The following FOXO3 variants were observed in gnomAD, a reference collection of about 807,000 sequenced individuals.
FOXO3 encodes the protein forkhead box protein O3.
Under a neutral mutation model 41.9 loss-of-function variants are expected in FOXO3, and 4 were observed. The observed-to-expected ratio is 0.10, with a 90% CI of 0.05 to 0.22. The LOEUF (loss-of-function observed/expected upper bound fraction) is 0.22. FOXO3 is among the 10% of genes least tolerant of loss of function. The pLI, the probability that FOXO3 is intolerant of heterozygous loss-of-function variation, is 1.00. For missense variants in FOXO3, 534 were observed against 906.8 expected (o/e 0.59, Z 5.28); for synonymous variants, 318 against 389.3 (o/e 0.82, Z 2.16).
chr6:108,649,825 CAG>C (rs1191837837), intron 1 of FOXO3, among the ~76,000 whole-genome samples: 1 of 152,100 alleles, frequency 6.6e-6, no homozygotes, highest in African/African-American at 2.4e-5. Context: ...CATAATGCCT[CAG>C]AGAGTTGTGT....
In FOXO3 at chr6:108,596,033, A is replaced by G. The variant is rs553120464; in HGVS notation, c.621+34204A>G. 5.1e-4 allele frequency among the ~76,000 whole-genome samples: 78 copies of G among 152,164 alleles called. 1 individual carries two copies. Among genetic ancestry groups the G allele is most frequent in the Middle Eastern group, 6.8e-3 (2 of 294 alleles). ...CTTGTCCGTTTTGTTTAAACTTTCC[A>G]TTCATATTTTTTTCTTCCTGAAATG... On this transcript the variant is annotated intron_variant, in intron 1 of 2. Transcript: ENST00000406360.
intron 1 of FOXO3, among the ~76,000 whole-genome samples, chr6:108,592,981 C>T (rs1010289850): frequency 3.3e-5 from 5 of 152,108 alleles, no homozygotes; most frequent in Non-Finnish European, 2.9e-5. Context: ...GAGATGGATG[C>T]GTGCTTAGGA....
At chr6:108,673,325 C>T (rs1186677679) in intron 2 of FOXO3, among the ~76,000 whole-genome samples, 3 of 152,216 alleles carry the variant, frequency 2.0e-5, no homozygotes, top group East Asian at 1.9e-4. Flanking sequence ...AGAGGGCCAC[C>T]GGGGCCACAC....
chr6:108,684,482 A>T lies in FOXO3; in HGVS notation c.*4690A>T, dbSNP rs1431429550. 6.6e-6 allele frequency: 1 copy of T among 152,370 alleles called. No homozygotes were observed. Among genetic ancestry groups the T allele is most frequent in the Non-Finnish European group, 1.5e-5 (1 of 68,036 alleles). 9.4% of individuals were successfully genotyped at this position (152,370 alleles called of 1,614,324 possible). On this transcript the variant is annotated 3_prime_UTR_variant, in exon 3 of 3. Coordinates refer to ENST00000406360, the MANE Select transcript of FOXO3 (RefSeq NM_001455.4). ...AACACCTGAGAGTCAAGCAGTTGAG[A>T]CTTTGATTTGAAGCACCTCATCCTT...
intron 1 of FOXO3, among the ~76,000 whole-genome samples, chr6:108,614,188 G>T (rs565373465): frequency 3.3e-5 from 5 of 152,084 alleles, no homozygotes; most frequent in African/African-American, 1.2e-4. Flanking sequence ...GCTGTTTTGG[G>T]TGATTTGTTC....
At chr6:108,657,979 C>A (rs1778736987) in intron 1 of FOXO3, among the ~76,000 whole-genome samples, 1 of 152,160 alleles carries the variant, frequency 6.6e-6, no homozygotes, top group Non-Finnish European at 1.5e-5. Context: ...ATGTGAAACC[C>A]CCCTCTGGGC....
intron 1 of FOXO3, among the ~76,000 whole-genome samples, chr6:108,602,382 G>A (rs1001922023): frequency 6.6e-6 from 1 of 152,150 alleles, no homozygotes; most frequent in African/African-American, 2.4e-5. Context: ...TACGCCTGTA[G>A]CAGCATAACC....
At chr6:108,641,594 T>C (rs1427531969) in intron 1 of FOXO3, among the ~76,000 whole-genome samples, 1 of 152,166 alleles carries the variant, frequency 6.6e-6, no homozygotes, top group East Asian at 1.9e-4. Context: ...TGATGACTAC[T>C]TGATACATAT....
chr6:108,665,980 T>C (rs1473064238), intron 2 of FOXO3, among the ~76,000 whole-genome samples: 1 of 151,924 alleles, frequency 6.6e-6, no homozygotes, highest in Admixed American at 6.6e-5. Context: ...TTTTCAATTG[T>C]GGCATTTTAA....
intron 1 of FOXO3, among the ~76,000 whole-genome samples, chr6:108,621,746 T>C (rs1777669938): frequency 6.6e-6 from 1 of 151,874 alleles, no homozygotes; most frequent in Admixed American, 6.6e-5. Flanking sequence ...GAGAGAAAAT[T>C]GAAGGTGAGA....
rs1778689714 is a variant in FOXO3, at chr6:108,656,406, A to C, written c.622-7049A>C. The C allele has an allele frequency of 2.4e-5, 24 of 985,320 alleles. No homozygotes were observed. In the South Asian group the frequency reaches 1.1e-3, roughly 46 times the overall value. 61.0% of individuals were successfully genotyped at this position (985,320 alleles called of 1,614,324 possible). A position where few individuals can be genotyped will look rare whatever the true frequency, so the allele number is the denominator to read the frequency against. On this transcript the variant is annotated intron_variant, in intron 1 of 2. Coordinates refer to ENST00000406360, the MANE Select transcript of FOXO3 (RefSeq NM_001455.4). ...AAGGGCTGAAGCGGACGTAGGGTAC[A>C]AAATTTAAGAAATTACCAGTTACTT... is the stretch of plus-strand genomic sequence containing the variant.
At chr6:108,629,835 C>T (rs1243902819) in intron 1 of FOXO3, among the ~76,000 whole-genome samples, 1 of 152,004 alleles carries the variant, frequency 6.6e-6, no homozygotes, top group Admixed American at 6.6e-5. Flanking sequence ...TTCCTGTGGC[C>T]TTGATGGTGA....
At chr6:108,653,936 T>C (rs1214332977) in intron 1 of FOXO3, among the ~76,000 whole-genome samples, 3 of 152,224 alleles carry the variant, frequency 2.0e-5, no homozygotes, top group East Asian at 1.9e-4. Flanking sequence ...AGCATGTGTT[T>C]GCTGAGCACC....
At chr6:108,590,303 A>C (rs995986753) in intron 1 of FOXO3, among the ~76,000 whole-genome samples, 1 of 151,988 alleles carries the variant, frequency 6.6e-6, no homozygotes, top group Admixed American at 6.6e-5. Context: ...CCTTTTTTTG[A>C]GAAATAATAC....
At chr6:108,665,033 G>A in intron 2 of FOXO3, 144 bp downstream of exon 2, 1 of 936,334 alleles carries the variant, frequency 1.1e-6, no homozygotes, top group Non-Finnish European at 1.6e-6. Flanking sequence ...CTCCCAGCCA[G>A]TTCCATCTCA....
At chr6:108,668,922 C>G (rs530065437) in intron 2 of FOXO3, among the ~76,000 whole-genome samples, 1 of 152,018 alleles carries the variant, frequency 6.6e-6, no homozygotes, top group Non-Finnish European at 1.5e-5. Context: ...GTCAGGAGAT[C>G]GAGACGGTGA....
intron 1 of FOXO3, among the ~76,000 whole-genome samples, chr6:108,629,504 A>G (rs1777901532): frequency 6.6e-6 from 1 of 152,118 alleles, no homozygotes; most frequent in African/African-American, 2.4e-5. Context: ...TGTCTTAGAC[A>G]CTATGTTGAA....
At chr6:108,658,504 T>G (rs953400277) in intron 1 of FOXO3, among the ~76,000 whole-genome samples, 28 of 152,186 alleles carry the variant, frequency 1.8e-4, no homozygotes, top group African/African-American at 6.8e-4. Context: ...GGGCTTTGTT[T>G]CAGAATCTAA....
intron 1 of FOXO3, among the ~76,000 whole-genome samples, chr6:108,650,044 C>T (rs1427661295): frequency 1.5e-4 from 23 of 152,134 alleles, no homozygotes; most frequent in African/African-American, 5.6e-4. Flanking sequence ...AAATGAAAAA[C>T]CTGACTAAAG....
Sources: gnomAD v4.1 joint callset for allele counts (sites outside exome capture counted in the v4.1 genomes callset) on GRCh38, gnomAD v4.1.1 for gene constraint, MANE v1.5 for transcripts, NCBI Gene and HGNC (gene_info 2026-07-23, HGNC 2026-07-21) for gene names.